NXPE2: variants seen among roughly 807,000 people sequenced by gnomAD.
The protein encoded by NXPE2 is neurexophilin and PC-esterase domain family member 2.
In NXPE2, 34 loss-of-function variants were observed where a neutral mutation model predicts 34.4. The ratio of observed to expected loss-of-function variants is 0.99; its 90% CI spans 0.75 to 1.31. The LOEUF (loss-of-function observed/expected upper bound fraction) is 1.31, where lower values mean the gene tolerates loss of function less well. NXPE2 is among the 40% of genes most tolerant of loss of function. The pLI, the probability that NXPE2 is intolerant of heterozygous loss-of-function variation, is 0.00. For missense variants in NXPE2, 649 were observed against 672.5 expected, an observed-to-expected ratio of 0.97 and a Z score of 0.39; for synonymous variants, 235 against 231.3, an observed-to-expected ratio of 1.02 and a Z score of -0.15.
the NXPE2 span, among the ~76,000 whole-genome samples, chr11:114,573,807 A>T: frequency 6.6e-6 from 1 of 152,098 alleles, no homozygotes; most frequent in East Asian, 1.9e-4. Context: ...GGTCATCAAG[A>T]CAGAAAGTCA....
At chr11:114,639,567 G>A in the NXPE2 span, among the ~76,000 whole-genome samples, 8 of 150,520 alleles carry the variant, frequency 5.3e-5, no homozygotes, top group Non-Finnish European at 1.2e-4. Flanking sequence ...CATCGCTCAG[G>A]CCGGGAGCTG....
the NXPE2 span, among the ~76,000 whole-genome samples, chr11:114,800,455 T>C: frequency 6.6e-6 from 1 of 152,212 alleles, no homozygotes. Flanking sequence ...AACTGTTTGT[T>C]AAACTGATTT....
At chr11:114,665,609 C>T in the NXPE2 span, among the ~76,000 whole-genome samples, 777 of 152,222 alleles carry the variant, frequency 5.1e-3, 3 homozygotes, top group African/African-American at 0.016. Flanking sequence ...GACAGGACAG[C>T]AAGAACTAGA....
the NXPE2 span, among the ~76,000 whole-genome samples, chr11:114,633,701 G>A: frequency 6.7e-6 from 1 of 150,188 alleles, no homozygotes; most frequent in East Asian, 1.9e-4. Flanking sequence ...ACCTATGAGT[G>A]AGAACATGTG....
chr11:114,504,489 C>T, the NXPE2 span, among the ~76,000 whole-genome samples: 2 of 152,110 alleles, frequency 1.3e-5, no homozygotes, highest in African/African-American at 2.4e-5. Flanking sequence ...AAGCAGGTAC[C>T]CCCACATTCT....
At chr11:114,750,498 G>A in the NXPE2 span, among the ~76,000 whole-genome samples, 1 of 152,140 alleles carries the variant, frequency 6.6e-6, no homozygotes, top group Non-Finnish European at 1.5e-5. Flanking sequence ...GTGTCCAGAA[G>A]CAATTGGCTT....
the NXPE2 span, among the ~76,000 whole-genome samples, chr11:114,608,638 G>C: frequency 2.0e-5 from 3 of 151,828 alleles, no homozygotes; most frequent in Non-Finnish European, 4.4e-5. Context: ...AATACTTGTT[G>C]CCTCGAGGGT....
chr11:114,688,083 T>G (rs1951080733), intron 2 of NXPE2, among the ~76,000 whole-genome samples: 1 of 152,092 alleles, frequency 6.6e-6, no homozygotes, highest in Admixed American at 6.5e-5. Context: ...TGACTTTTAT[T>G]TTTTCCTCCT....
At chr11:114,626,916 T>C in the NXPE2 span, among the ~76,000 whole-genome samples, 3 of 151,562 alleles carry the variant, frequency 2.0e-5, no homozygotes, top group African/African-American at 7.3e-5. Flanking sequence ...AGAAAGGGTA[T>C]CAGTGATGGA....
the NXPE2 span, among the ~76,000 whole-genome samples, chr11:114,758,972 C>G: frequency 1.3e-5 from 2 of 151,626 alleles, no homozygotes; most frequent in African/African-American, 2.4e-5. Flanking sequence ...CCAATTTTAC[C>G]CCAATTTCTG....
At chr11:114,481,729 A>G in the NXPE2 span, among the ~76,000 whole-genome samples, 1 of 152,158 alleles carries the variant, frequency 6.6e-6, no homozygotes, top group Non-Finnish European at 1.5e-5. Context: ...TCAAATGCTC[A>G]TTGATGGCAT....
the NXPE2 span, among the ~76,000 whole-genome samples, chr11:114,541,135 T>G: frequency 6.6e-6 from 1 of 152,138 alleles, no homozygotes; most frequent in East Asian, 1.9e-4. Context: ...TGAACCAAGT[T>G]AATCGATTGC....
chr11:114,728,013 G>A, the NXPE2 span, among the ~76,000 whole-genome samples: 1 of 152,038 alleles, frequency 6.6e-6, no homozygotes, highest in Non-Finnish European at 1.5e-5. Flanking sequence ...GAGACTGTAC[G>A]GGAGAATCTG....
the NXPE2 span, chr11:114,570,726 C>G: frequency 6.6e-6 from 3 of 452,610 alleles, no homozygotes; most frequent in Admixed American, 3.9e-5. Flanking sequence ...AGGGTAGGCT[C>G]TTTTCATGAG....
chr11:114,740,101 C>G, the NXPE2 span, among the ~76,000 whole-genome samples: 8 of 151,634 alleles, frequency 5.3e-5, no homozygotes. Context: ...TAAATTAGAC[C>G]GTGTAAGAAA....
At chr11:114,780,331 C>T in the NXPE2 span, among the ~76,000 whole-genome samples, 2 of 152,132 alleles carry the variant, frequency 1.3e-5, no homozygotes, top group Non-Finnish European at 1.5e-5. Flanking sequence ...CAGGAGGCCT[C>T]GGCTGCCTGT....
chr11:114,799,311 A>AAAAG, the NXPE2 span, among the ~76,000 whole-genome samples: 4 of 133,020 alleles, frequency 3.0e-5, no homozygotes, highest in Non-Finnish European at 4.8e-5. Flanking sequence ...AAAAAAAAAA[A>AAAAG]AAAATTGGTG....
At chr11:114,631,556 G>T in the NXPE2 span, among the ~76,000 whole-genome samples, 1 of 151,310 alleles carries the variant, frequency 6.6e-6, no homozygotes, top group African/African-American at 2.4e-5. Flanking sequence ...ATAGCACTGG[G>T]AGATATACCT....
the NXPE2 span, chr11:114,530,259 A>G: frequency 1.2e-6 from 2 of 1,613,992 alleles, no homozygotes; most frequent in Non-Finnish European, 8.5e-7. Flanking sequence ...CTCACAGGGC[A>G]TGTGTTGAGG....
Sources: allele counts gnomAD v4.1 joint callset (sites outside exome capture counted in the v4.1 genomes callset), GRCh38; gene constraint gnomAD v4.1.1; transcripts MANE v1.5; gene names NCBI Gene and HGNC (gene_info 2026-07-23, HGNC 2026-07-21).